The following LRRC49 variants were observed in gnomAD, a reference collection of about 807,000 sequenced individuals.
The protein encoded by LRRC49 is leucine-rich repeat-containing protein 49.
In LRRC49, 50 loss-of-function variants were observed where a neutral mutation model predicts 83.3. The observed-to-expected ratio is 0.60, with a 90% CI of 0.48 to 0.76. The LOEUF is 0.76. LRRC49 is among the 30% of genes least tolerant of loss of function. The pLI is 0.00. For synonymous variants in LRRC49, 286 were observed against 283.3 expected, an observed-to-expected ratio of 1.01 and a Z score of -0.10; for missense variants, 704 against 809.1, an observed-to-expected ratio of 0.87 and a Z score of 1.58.
rs1251409149 is a variant in LRRC49 at position 71,012,811 on chromosome 15, A to C, written c.1601A>C (p.Gln534Pro). ...MQKINGTEVTQNDMIMAERLF... is the reference protein window; with the variant it reads ...MQKINGTEVTPNDMIMAERLF... ...TCTATTGTGTCTCTTCAGGTGACAC[A>C]GAATGATATGATAATGGCTGAAAGG... Residue 534 changes from glutamine to proline, a missense_variant, in exon 14 of 16, where the codon CAG becomes CCG. Gln to Pro is a moderately conservative substitution (Grantham distance 76, BLOSUM62 -1). Transcript: ENST00000260382. 6.2e-7 allele frequency: 1 copy of C among 1,606,924 alleles called. No homozygotes were observed. Among genetic ancestry groups the C allele is most frequent in the South Asian group, 1.1e-5 (1 of 90,488 alleles).
At chr15:70,857,102 A>G (rs1020267206) in intron 1 of LRRC49, among the ~76,000 whole-genome samples, 1 of 152,186 alleles carries the variant, frequency 6.6e-6, no homozygotes, top group African/African-American at 2.4e-5. Flanking sequence ...TTTTCATAGT[A>G]AACTCACAAG....
chr15:70,918,397 A>T (rs1432593158), intron 6 of LRRC49: 1 of 152,244 alleles, frequency 6.6e-6, no homozygotes, highest in East Asian at 1.9e-4. Flanking sequence ...AGATCCTGTA[A>T]CATTATATGT....
chr15:70,984,096 G>A lies in LRRC49; in HGVS notation c.1008G>A (p.Glu336=). 2 of 1,612,024 alleles carry A rather than the reference G, an allele frequency of 1.2e-6. No individual in the cohort carries two copies. Among genetic ancestry groups the A allele is most frequent in the Non-Finnish European group, 1.7e-6 (2 of 1,178,996 alleles). ...RESHKQSLLK[E]KKRLTINNVA... ...TGTCACAATTAACTTTTTCATAGGA[G>A]AAGAAAAGGTTAACAATTAACAACG... Residue 336 remains glutamate (E), a splice_region_variant and synonymous_variant, in exon 11 of 16, where the codon GAG becomes GAA. Transcript: ENST00000260382.
At chr15:71,016,441 A>G (rs1475690678) in intron 14 of LRRC49, among the ~76,000 whole-genome samples, 1 of 152,076 alleles carries the variant, frequency 6.6e-6, no homozygotes, top group Admixed American at 6.5e-5. Flanking sequence ...TAATGAATGA[A>G]GCTTTTACTT....
intron 15 of LRRC49, chr15:71,048,921 CAG>C (rs2039938226): frequency 4.4e-6 from 2 of 451,230 alleles, no homozygotes; most frequent in Non-Finnish European, 8.9e-6. Context: ...CTGCGTAAGT[CAG>C]TGTAGTGTAC....
At chr15:70,985,137 G>A (rs868324179) in intron 11 of LRRC49, among the ~76,000 whole-genome samples, 3 of 149,112 alleles carry the variant, frequency 2.0e-5, no homozygotes, top group Non-Finnish European at 3.0e-5. Flanking sequence ...TCCTTTGGGT[G>A]TATACCCAGT....
chr15:70,965,595 A>C (rs1236439766), intron 9 of LRRC49, among the ~76,000 whole-genome samples: 1 of 151,950 alleles, frequency 6.6e-6, no homozygotes, highest in East Asian at 1.9e-4. Flanking sequence ...ATGTTTCCTC[A>C]TGATTAATTT....
intron 8 of LRRC49, among the ~76,000 whole-genome samples, chr15:70,962,281 G>C (rs902709627): frequency 6.6e-6 from 1 of 152,174 alleles, no homozygotes; most frequent in African/African-American, 2.4e-5. Flanking sequence ...GGAGACATCA[G>C]TATAAACTCA....
At chr15:70,865,351 C>T in intron 1 of LRRC49, among the ~76,000 whole-genome samples, 1 of 114,110 alleles carries the variant, frequency 8.8e-6, no homozygotes, top group East Asian at 2.2e-4. Context: ...GTACTTCAGC[C>T]TGTCTTCTAA....
intron 9 of LRRC49, among the ~76,000 whole-genome samples, chr15:70,967,141 GA>G (rs953861175): frequency 3.9e-5 from 6 of 151,966 alleles, no homozygotes; most frequent in Non-Finnish European, 8.8e-5. Context: ...GAAGCTGAGA[GA>G]ATATAGCAGC....
intron 6 of LRRC49, among the ~76,000 whole-genome samples, chr15:70,912,522 T>G (rs1445415077): frequency 1.3e-5 from 2 of 152,100 alleles, no homozygotes; most frequent in Non-Finnish European, 2.9e-5. Context: ...TTTGTCAGAC[T>G]TCTTAATTTT....
At chr15:70,887,455 T>A (rs1039551599), upstream of LRRC49, among the ~76,000 whole-genome samples, 4 of 152,156 alleles carry the variant, frequency 2.6e-5, no homozygotes, top group African/African-American at 9.6e-5. Context: ...GCCATGCAAG[T>A]TTGACTCTAC....
chr15:70,878,194 A>G (rs1387561417), intron 2 of LRRC49, among the ~76,000 whole-genome samples: 1 of 152,142 alleles, frequency 6.6e-6, no homozygotes, highest in African/African-American at 2.4e-5. Flanking sequence ...CATTTTCCAT[A>G]TTGTAAATGA....
At chr15:70,873,964 G>C (rs2033102146) in intron 2 of LRRC49, among the ~76,000 whole-genome samples, 4 of 152,182 alleles carry the variant, frequency 2.6e-5, no homozygotes, top group Admixed American at 2.6e-4. Flanking sequence ...ACATGGAACT[G>C]TAGAAAGGGA....
chr15:70,939,352 A>C (rs1288345407), intron 8 of LRRC49, among the ~76,000 whole-genome samples: 2 of 152,156 alleles, frequency 1.3e-5, no homozygotes, highest in East Asian at 3.9e-4. Context: ...CCTCAAACAG[A>C]AATATTTTTC....
chr15:70,882,061 C>A (rs1419162976), intron 2 of LRRC49: 4 of 168,232 alleles, frequency 2.4e-5, no homozygotes, highest in Non-Finnish European at 5.1e-5. Context: ...CTGCTCTATA[C>A]TTTCAAATTA....
chr15:70,902,450 C>G (rs893192345), intron 4 of LRRC49: 1 of 152,104 alleles, frequency 6.6e-6, no homozygotes, highest in Non-Finnish European at 1.5e-5. Context: ...GACTCCGCTT[C>G]AAAAGTTGGT....
chr15:70,898,356 A>G (rs769499258), intron 3 of LRRC49: 1 of 688,272 alleles, frequency 1.5e-6, no homozygotes, highest in South Asian at 1.6e-5. Context: ...TTGATTGCCT[A>G]CTGAATTTAG....
intron 14 of LRRC49, among the ~76,000 whole-genome samples, chr15:71,020,805 A>T (rs943495845): frequency 1.3e-5 from 2 of 152,256 alleles, no homozygotes; most frequent in African/African-American, 4.8e-5. Flanking sequence ...TAGTATTCTT[A>T]CACTAAAAGA....
Sources: gnomAD v4.1 joint callset for allele counts (sites outside exome capture counted in the v4.1 genomes callset) on GRCh38, gnomAD v4.1.1 for gene constraint, MANE v1.5 for transcripts, NCBI Gene and HGNC (gene_info 2026-07-23, HGNC 2026-07-21) for gene names.